The following ZNF469 variants were observed in gnomAD, a reference collection of about 807,000 sequenced individuals.
ZNF469 encodes zinc finger protein 469.
ZNF469 carries 1 observed loss-of-function variant against 1.0 expected under a neutral mutation model. That is an observed-to-expected ratio of 1.00 (90% CI 0.35 to 4.73). The LOEUF (loss-of-function observed/expected upper bound fraction) is 4.73. Ranked by LOEUF, ZNF469 falls within the 30% of genes most tolerant of loss-of-function variation. ZNF469 has a pLI of 0.16. For synonymous variants in ZNF469, 2,703 were observed against 2,363.4 expected, an observed-to-expected ratio of 1.14 and a Z score of -4.17; for missense variants, 6,100 against 5,356.3, an observed-to-expected ratio of 1.14 and a Z score of -4.33.
chr16:88,180,794 CAAAT>C, the ZNF469 span, among the ~76,000 whole-genome samples: 6 of 151,764 alleles, frequency 4.0e-5, no homozygotes, highest in Non-Finnish European at 7.4e-5. Flanking sequence ...AACAAACAAA[CAAAT>C]AAAAGTGCCA....
the ZNF469 span, among the ~76,000 whole-genome samples, chr16:88,324,504 G>T: frequency 6.6e-6 from 1 of 152,328 alleles, no homozygotes; most frequent in South Asian, 2.1e-4. Context: ...GGCTCAGCCC[G>T]GGAGGGTTCT....
chr16:88,276,248 G>C, the ZNF469 span, among the ~76,000 whole-genome samples: 3 of 152,164 alleles, frequency 2.0e-5, no homozygotes, highest in African/African-American at 7.2e-5. Flanking sequence ...GTGCGTGTAA[G>C]CGAGTGTGCT....
chr16:88,261,288 G>A, the ZNF469 span, among the ~76,000 whole-genome samples: 2 of 152,216 alleles, frequency 1.3e-5, no homozygotes, highest in Non-Finnish European at 2.9e-5. This position sits in a 1 kb window ranked among gnomAD's most constrained non-coding sequence, Gnocchi z 6.0. Flanking sequence ...AAAGCCCTGG[G>A]TGCCACCGCC....
At chr16:88,327,082 G>A in the ZNF469 span, among the ~76,000 whole-genome samples, 2 of 152,316 alleles carry the variant, frequency 1.3e-5, no homozygotes, top group Non-Finnish European at 2.9e-5. Flanking sequence ...TCTGCTGTGG[G>A]ACCTCAGGAG....
chr16:88,185,407 T>G, the ZNF469 span, among the ~76,000 whole-genome samples: 2 of 152,226 alleles, frequency 1.3e-5, no homozygotes, highest in South Asian at 4.1e-4. Flanking sequence ...ACATTTGCAC[T>G]TATACTCACA....
chr16:88,377,374 A>G, the ZNF469 span, among the ~76,000 whole-genome samples: 8 of 152,130 alleles, frequency 5.3e-5, no homozygotes, highest in Non-Finnish European at 1.0e-4. Context: ...TGGGCCCGCC[A>G]CCCATGGCAG....
chr16:88,122,868 C>T, the ZNF469 span, among the ~76,000 whole-genome samples: 5 of 151,870 alleles, frequency 3.3e-5, no homozygotes, highest in African/African-American at 9.7e-5. Flanking sequence ...TTAGAGATGG[C>T]GTCTCACTCT....
At chr16:88,392,260 A>C (rs1268199532) in intron 1 of ZNF469, among the ~76,000 whole-genome samples, 1 of 152,228 alleles carries the variant, frequency 6.6e-6, no homozygotes, top group Non-Finnish European at 1.5e-5. Context: ...CGATGTGCAA[A>C]CGCTCCGTGG....
the ZNF469 span, among the ~76,000 whole-genome samples, chr16:88,295,520 C>T: frequency 2.0e-5 from 3 of 152,124 alleles, no homozygotes; most frequent in Non-Finnish European, 2.9e-5. Context: ...CTGGAGAGGG[C>T]GTCAACGGCT....
At chr16:88,162,242 A>G in the ZNF469 span, among the ~76,000 whole-genome samples, 1 of 152,116 alleles carries the variant, frequency 6.6e-6, no homozygotes, top group African/African-American at 2.4e-5. Flanking sequence ...AATATTTCAT[A>G]CTACAGAGTA....
At chr16:88,127,974 C>T in the ZNF469 span, among the ~76,000 whole-genome samples, 1 of 152,212 alleles carries the variant, frequency 6.6e-6, no homozygotes, top group Non-Finnish European at 1.5e-5. Flanking sequence ...AGGCACGAGG[C>T]TTGCCTGTGC....
the ZNF469 span, among the ~76,000 whole-genome samples, chr16:88,161,344 G>A: frequency 6.6e-6 from 1 of 152,202 alleles, no homozygotes; most frequent in Non-Finnish European, 1.5e-5. Context: ...TCTATGGGGC[G>A]GAAATATGCT....
chr16:88,366,063 T>C, the ZNF469 span, among the ~76,000 whole-genome samples: 1 of 151,476 alleles, frequency 6.6e-6, no homozygotes, highest in African/African-American at 2.4e-5. Flanking sequence ...TAAATGCTGA[T>C]AAATGTGAGG....
At chr16:88,402,063 G>C (rs1217181538) in intron 1 of ZNF469, among the ~76,000 whole-genome samples, 1 of 145,864 alleles carries the variant, frequency 6.9e-6, no homozygotes, top group African/African-American at 2.8e-5. Context: ...TGGATGGATG[G>C]ATGGATGGAT....
At chr16:88,385,164 T>C (rs1476606850) in intron 1 of ZNF469, among the ~76,000 whole-genome samples, 1 of 152,176 alleles carries the variant, frequency 6.6e-6, no homozygotes, top group East Asian at 1.9e-4. Flanking sequence ...TCGTGTTTGC[T>C]GAACGGAAGT....
upstream of ZNF469, among the ~76,000 whole-genome samples, chr16:88,380,930 A>ATG (rs2092521313): frequency 1.5e-4 from 16 of 108,962 alleles, 4 homozygotes; most frequent in African/African-American, 8.0e-4. Context: ...TCACACAGAC[A>ATG]CGCACTCACA....
chr16:88,268,940 TG>T, the ZNF469 span, among the ~76,000 whole-genome samples: 4 of 152,204 alleles, frequency 2.6e-5, no homozygotes, highest in Non-Finnish European at 5.9e-5. Context: ...GCCCTGGGCC[TG>T]GGCAGTGACA....
chr16:88,153,654 G>A, the ZNF469 span, among the ~76,000 whole-genome samples: 1 of 152,228 alleles, frequency 6.6e-6, no homozygotes, highest in Non-Finnish European at 1.5e-5. Flanking sequence ...CGCCTGCAAG[G>A]CACACAGCCC....
the ZNF469 span, among the ~76,000 whole-genome samples, chr16:88,247,442 AAGTGAGTGAATGAGTGAATGAATGAATG>A: frequency 7.1e-6 from 1 of 140,472 alleles, no homozygotes; most frequent in African/African-American, 2.6e-5. Flanking sequence ...ATGAGTGAAT[AAGTGAGTGAATGAGTGAATGAATGAATG>A]AGTGAGTGAA....
Sources: allele counts gnomAD v4.1 joint callset (sites outside exome capture counted in the v4.1 genomes callset), GRCh38; gene constraint gnomAD v4.1.1; non-coding constraint Gnocchi (gnomAD v3.1); transcripts MANE v1.5; gene names NCBI Gene and HGNC (gene_info 2026-07-23, HGNC 2026-07-21).